Variants in COL27A1 observed in about 807,000 individuals in gnomAD.
COL27A1 encodes the protein collagen type XXVII alpha 1 chain.
COL27A1 carries 106 observed loss-of-function variants against 251.3 expected under a neutral mutation model. The ratio of observed to expected loss-of-function variants is 0.42; its 90% confidence interval spans 0.36 to 0.50. COL27A1 has a LOEUF of 0.50. Ranked by LOEUF, COL27A1 falls within the 20% of genes least tolerant of loss-of-function variation. The probability of loss-of-function intolerance (pLI) is 0.00; values close to 1 mark genes in which losing one functional copy is unlikely to be tolerated. For missense variants in COL27A1, 2,325 were observed against 2,522.8 expected, an observed-to-expected ratio of 0.92 and a Z score of 1.68; for synonymous variants, 1,000 against 986.3, an observed-to-expected ratio of 1.01 and a Z score of -0.26.
chr9:114,276,306 C>T (rs572707910), intron 37 of COL27A1, among the ~76,000 whole-genome samples: 3 of 152,322 alleles, frequency 2.0e-5, no homozygotes, highest in Admixed American at 6.5e-5. Context: ...CCTTCATTTA[C>T]GTCTTTAACA....
intron 24 of COL27A1, among the ~76,000 whole-genome samples, 154 bp from the exon 25 acceptor site, chr9:114,250,457 CAGAG>C (rs1451587483): frequency 2.0e-5 from 3 of 152,210 alleles, no homozygotes; most frequent in Non-Finnish European, 4.4e-5. Context: ...GAACGGTGCC[CAGAG>C]AGAGGCAGCG....
chr9:114,274,770 C>T (rs1835379815), intron 36 of COL27A1, among the ~76,000 whole-genome samples: 1 of 152,162 alleles, frequency 6.6e-6, no homozygotes, highest in East Asian at 1.9e-4. Context: ...AGAGTTGCTT[C>T]ACTGCCCTGA....
At chr9:114,167,443 G>A (rs1848960868) in intron 2 of COL27A1, among the ~76,000 whole-genome samples, 1 of 152,224 alleles carries the variant, frequency 6.6e-6, no homozygotes, top group East Asian at 1.9e-4. Flanking sequence ...TGGCTCCAGA[G>A]TCTGTTTTTT....
chr9:114,255,248 G>A (rs1395996199), intron 27 of COL27A1, among the ~76,000 whole-genome samples: 1 of 152,192 alleles, frequency 6.6e-6, no homozygotes, highest in Non-Finnish European at 1.5e-5. Context: ...CTGGTCAGGG[G>A]GCTAGCACGG....
At chr9:114,252,472 A>C in intron 25 of COL27A1, 121 bp from the exon 26 acceptor site, 3 of 802,072 alleles carry the variant, frequency 3.7e-6, no homozygotes, top group Non-Finnish European at 6.4e-6. Context: ...GGGACCCTCT[A>C]GAGACCTTGA....
chr9:114,176,208 AG>A (rs1464763834), intron 3 of COL27A1, among the ~76,000 whole-genome samples: 1 of 152,164 alleles, frequency 6.6e-6, no homozygotes, highest in Admixed American at 6.5e-5. Context: ...GCTTCGTCTC[AG>A]CCCCCTGCTT....
In COL27A1 at chr9:114,155,777, G is replaced by C; in HGVS notation, c.-174G>C. 1 of 294,954 alleles carries C rather than the reference G, an allele frequency of 3.4e-6. No homozygotes were observed. The highest frequency in any genetic ancestry group is 5.0e-6 in the Non-Finnish European group (1 of 200,490). The allele number at this position is 294,954 out of a possible 1,614,324, so 18.3% of individuals were successfully genotyped here. A position where few individuals can be genotyped will look rare whatever the true frequency, so the allele number is the denominator to read the frequency against. ...ATGGGCCTGGCGCGGGCGCCCGCGGGGCCCCAGCCGCGCTGCCTGCCTGCT... is the reference window on the plus strand; with the variant it reads ...ATGGGCCTGGCGCGGGCGCCCGCGGCGCCCCAGCCGCGCTGCCTGCCTGCT... On this transcript the variant is annotated 5_prime_UTR_variant, in exon 1 of 61. Coordinates refer to ENST00000356083, the MANE Select transcript of COL27A1 (RefSeq NM_032888.4). The surrounding 1 kb of genome is among the most constrained non-coding windows in gnomAD (Gnocchi z 5.5).
intron 3 of COL27A1, among the ~76,000 whole-genome samples, chr9:114,170,226 C>T (rs1175702261): frequency 2.0e-5 from 3 of 152,178 alleles, no homozygotes; most frequent in African/African-American, 7.2e-5. Context: ...GTTTGGGGTG[C>T]AGAAGGTCAG....
At chr9:114,205,670 C>T in intron 8 of COL27A1, 89 bp from the exon 9 acceptor site, 1 of 1,173,102 alleles carries the variant, frequency 8.5e-7, no homozygotes, top group East Asian at 2.3e-5. Flanking sequence ...TCTCTTTATT[C>T]ATTGTCAGCC....
chr9:114,157,681 G>A (rs951927729), intron 1 of COL27A1, among the ~76,000 whole-genome samples: 1 of 152,234 alleles, frequency 6.6e-6, no homozygotes, highest in Non-Finnish European at 1.5e-5. Context: ...GGTGGTAGGG[G>A]ACAGCAGTGA....
chr9:114,231,134 T>TA lies in COL27A1; in HGVS notation c.2520+4dup, dbSNP rs1192494526. The TA allele has an allele frequency of 1.9e-6, 3 of 1,613,142 alleles. No individual in the cohort carries two copies. The highest frequency in any genetic ancestry group is 2.5e-6 in the Non-Finnish European group (3 of 1,179,574). ...TACCCGGGACCCAAGGGCATGAAGG[T>TA]AAGCAAGGGATGTTCCCCCGATTCA... On this transcript the variant is annotated splice_region_variant and intron_variant, in intron 15 of 60. Transcript: ENST00000356083.
At chr9:114,299,700 T>A (rs1828484865) in intron 49 of COL27A1, among the ~76,000 whole-genome samples, 1 of 152,206 alleles carries the variant, frequency 6.6e-6, no homozygotes, top group African/African-American at 2.4e-5. Context: ...AACTGGGTTA[T>A]TTTTAGTTTT....
At chr9:114,278,485 A>G (rs1835685915) in intron 37 of COL27A1, among the ~76,000 whole-genome samples, 5 of 75,898 alleles carry the variant, frequency 6.6e-5, no homozygotes, top group South Asian at 4.5e-4. Context: ...GGTGGTGATA[A>G]TGGTGGTGGT....
chr9:114,291,794 G>T (rs921587962), intron 48 of COL27A1, among the ~76,000 whole-genome samples: 1 of 152,134 alleles, frequency 6.6e-6, no homozygotes, highest in East Asian at 1.9e-4. Flanking sequence ...CATTCTACGA[G>T]TGTGAGCTGA....
intron 3 of COL27A1, among the ~76,000 whole-genome samples, chr9:114,174,585 A>G (rs970778189): frequency 2.0e-5 from 3 of 152,210 alleles, no homozygotes; most frequent in African/African-American, 7.2e-5. Flanking sequence ...AGGCCGGGGT[A>G]TAATCTGTAG....
chr9:114,164,376 TC>T (rs1235851863), intron 2 of COL27A1, among the ~76,000 whole-genome samples: 5 of 152,224 alleles, frequency 3.3e-5, no homozygotes, highest in African/African-American at 1.2e-4. Flanking sequence ...TCATAGCAGC[TC>T]TGTGCTGGTC....
rs1428348194 is a variant in COL27A1 at position 114,258,612 on chromosome 9, C to T, written c.3195+18C>T. On this transcript the variant is annotated intron_variant, in intron 28 of 60. Coordinates refer to ENST00000356083, the MANE Select transcript of COL27A1 (RefSeq NM_032888.4). ...GACGTCGGGTAAGTCGAGCCCAGCT[C>T]CTGGGGGCTGATGCTGGTGGGAGGG... is the stretch of plus-strand genomic sequence containing the variant. 1.9e-6 allele frequency: 3 copies of T among 1,613,006 alleles called. No individual in the cohort carries two copies. Among genetic ancestry groups the T allele is most frequent in the African/African-American group, 2.7e-5 (2 of 74,926 alleles).
intron 12 of COL27A1, among the ~76,000 whole-genome samples, chr9:114,211,336 G>A (rs902624779): frequency 6.6e-6 from 1 of 152,194 alleles, no homozygotes; most frequent in Admixed American, 6.5e-5. Context: ...TGTGTCTGTG[G>A]GTCTGCTGTG....
intron 28 of COL27A1, among the ~76,000 whole-genome samples, chr9:114,259,974 C>T (rs1486310638): frequency 1.4e-5 from 2 of 146,156 alleles, no homozygotes; most frequent in African/African-American, 2.6e-5. Flanking sequence ...CAGGGTCCCT[C>T]CGGTGCCCAT....
Sources: allele counts gnomAD v4.1 joint callset (sites outside exome capture counted in the v4.1 genomes callset), GRCh38; gene constraint gnomAD v4.1.1; non-coding constraint Gnocchi (gnomAD v3.1); transcripts MANE v1.5; gene names NCBI Gene and HGNC (gene_info 2026-07-23, HGNC 2026-07-21).